Variants in DMBX1 observed in about 807,000 individuals in gnomAD.
DMBX1 encodes diencephalon/mesencephalon homeobox protein 1.
In DMBX1, 7 loss-of-function variants were observed where a neutral mutation model predicts 30.4. The ratio of observed to expected loss-of-function variants is 0.23; its 90% CI spans 0.13 to 0.43. DMBX1 has a LOEUF of 0.43. Ranked by LOEUF, DMBX1 falls within the 20% of genes least tolerant of loss-of-function variation. The probability of loss-of-function intolerance (pLI) is 1.00; values close to 1 mark genes in which losing one functional copy is unlikely to be tolerated. For missense variants in DMBX1, 460 were observed against 508.5 expected (o/e 0.90, Z 0.92); for synonymous variants, 222 against 214.2 (o/e 1.04, Z -0.32).
chr1:46,504,890 T>TTTTTTTTTATTTTTATTTTTA, intron 2 of DMBX1, among the ~76,000 whole-genome samples: 1 of 151,902 alleles, frequency 6.6e-6, no homozygotes, highest in Non-Finnish European at 1.5e-5. Context: ...TTTTATTTCC[T>TTTTTTTTTATTTTTATTTTTA]TGAGCAGTGG....
intron 5 of DMBX1, among the ~76,000 whole-genome samples, chr1:46,511,707 G>A (rs1369011029): frequency 2.6e-5 from 4 of 152,082 alleles, no homozygotes; most frequent in African/African-American, 9.7e-5. Flanking sequence ...GCCCAGCAGG[G>A]AGGGGACAGG....
Position 46,512,739 on chromosome 1 carries a change from A to C in DMBX1, c.*245A>C. The C allele has an allele frequency of 2.0e-6, 1 of 510,382 alleles. No homozygotes were observed. The highest frequency in any genetic ancestry group is 3.8e-5 in the South Asian group (1 of 26,124). 31.6% of individuals were successfully genotyped at this position (510,382 alleles called of 1,614,324 possible). ...AGGAGGTGAGAGGCTGGGGTGCCCC[A>C]AGCTTCCCTCGGAGAAGTGAGAGGC... On this transcript the variant is annotated 3_prime_UTR_variant, in exon 6 of 6. Coordinates refer to ENST00000360032, the MANE Select transcript of DMBX1 (RefSeq NM_172225.2). This position sits in a 1 kb window ranked among gnomAD's most constrained non-coding sequence, Gnocchi z 4.8.
At chr1:46,498,383 T>C (rs1310742825) in intron 2 of DMBX1, among the ~76,000 whole-genome samples, 1 of 152,272 alleles carries the variant, frequency 6.6e-6, no homozygotes, top group Non-Finnish European at 1.5e-5. Context: ...ACCAACTGTA[T>C]GCCAGGCTCT....
In DMBX1 at chr1:46,510,342, G is replaced by A; in HGVS notation, c.155-134G>A. 1.8e-6 allele frequency: 2 copies of A among 1,122,776 alleles called. No individual in the cohort carries two copies. Among genetic ancestry groups the A allele is most frequent in the Non-Finnish European group, 2.5e-6 (2 of 809,318 alleles). The allele number at this position is 1,122,776 out of a possible 1,614,324, so 69.6% of individuals were successfully genotyped here. ...TGGAGAGGGGATGGCTGATTTCTAA[G>A]GGTAAGGGACCAGGGCCAGCTCTGG... is the stretch of plus-strand genomic sequence containing the variant. On this transcript the variant is annotated intron_variant, in intron 3 of 5. Coordinates refer to ENST00000360032, the MANE Select transcript of DMBX1 (RefSeq NM_172225.2). This position sits in a 1 kb window ranked among gnomAD's most constrained non-coding sequence, Gnocchi z 4.1.
At position 46,491,185 on chromosome 1, in the gene DMBX1, C is replaced by T. The variant is rs1484518970; in HGVS notation, c.-13+402C>T. Among the ~76,000 whole-genome samples the T allele has an allele frequency of 6.6e-6, 1 of 152,224 alleles. No homozygotes were observed. The highest frequency in any genetic ancestry group is 2.4e-5 in the African/African-American group (1 of 41,452). ...CCAAATTCGCACCAAATCTGGGGCC[C>T]CGACTTTTCCTGGATTCCAGCCACA... On this transcript the variant is annotated intron_variant, in intron 2 of 5. Transcript: ENST00000360032. This position sits in a 1 kb window ranked among gnomAD's most constrained non-coding sequence, Gnocchi z 5.5.
In DMBX1 at chr1:46,501,192, C is replaced by CCCTTCCTT. The variant is rs1553186644; in HGVS notation, c.-12-5790_-12-5783dup. On this transcript the variant is annotated intron_variant, in intron 2 of 5. Transcript: ENST00000360032. ...TCTCTTTCTTTCTGTTTCTTTCTCTCCCTTCCTTCCTTCCTTCCTTCCTTT... is the reference window on the plus strand; with the variant it reads ...TCTCTTTCTTTCTGTTTCTTTCTCTCCCTTCCTTCCTTCCTTCCTTCCTTCCTTCCTTT... 5.4e-3 allele frequency among the ~76,000 whole-genome samples: 369 copies of CCCTTCCTT among 67,882 alleles called. 18 individuals carry two copies. Among genetic ancestry groups the CCCTTCCTT allele is most frequent in the African/African-American group, 0.024 (327 of 13,752 alleles). 44.5% of individuals were successfully genotyped at this position (67,882 alleles called of 152,430 possible).
At chr1:46,499,411 G>A (rs1666081847) in intron 2 of DMBX1, among the ~76,000 whole-genome samples, 1 of 152,206 alleles carries the variant, frequency 6.6e-6, no homozygotes, top group Admixed American at 6.5e-5. Flanking sequence ...AATGGAATAT[G>A]CTGGGGAAAG....
chr1:46,509,531 G>C (rs968624951), intron 3 of DMBX1, among the ~76,000 whole-genome samples: 4 of 152,182 alleles, frequency 2.6e-5, no homozygotes, highest in Admixed American at 6.5e-5. Context: ...AGCGGTTACT[G>C]TCTATCCTTC....
In DMBX1 at chr1:46,514,722, A is replaced by G. The variant is rs189790671; in HGVS notation, c.*2228A>G. On this transcript the variant is annotated 3_prime_UTR_variant, in exon 6 of 6. Transcript: ENST00000360032. ...AGTTGATCTATCTGAAAGCCAGGGTAAAGATTGCTAAGGCTTGTCTCCTCT... is the reference window on the plus strand; with the variant it reads ...AGTTGATCTATCTGAAAGCCAGGGTGAAGATTGCTAAGGCTTGTCTCCTCT... 1.3e-5 allele frequency among the ~76,000 whole-genome samples: 2 copies of G among 152,296 alleles called. No homozygotes were observed. Among genetic ancestry groups the G allele is most frequent in the East Asian group, 3.9e-4 (2 of 5,172 alleles).
intron 2 of DMBX1, among the ~76,000 whole-genome samples, chr1:46,492,741 G>T (rs1665952311): frequency 6.6e-6 from 1 of 152,058 alleles, no homozygotes. Context: ...CTGGGCTATG[G>T]GTATCACACT....
At chr1:46,506,975 C>T (rs1312562135) in intron 2 of DMBX1, 24 bp from the exon 3 acceptor site, 5 of 1,610,994 alleles carry the variant, frequency 3.1e-6, no homozygotes, top group Non-Finnish European at 4.2e-6. Context: ...TGCCTCATGG[C>T]CCCTCTCCCT....
At chr1:46,494,485 G>C (rs913214873) in intron 2 of DMBX1, among the ~76,000 whole-genome samples, 4 of 152,166 alleles carry the variant, frequency 2.6e-5, no homozygotes, top group South Asian at 2.1e-4. Context: ...CGGACCAAGG[G>C]ATAATTGGAT....
In DMBX1 at chr1:46,515,113, T is replaced by C. The variant is rs1666465954; in HGVS notation, c.*2619T>C. On this transcript the variant is annotated 3_prime_UTR_variant, in exon 6 of 6. Transcript: ENST00000360032. ...ATTTGGAAGGGGAATCCACCAGCCA[T>C]GGGGGCATCAGAGGAGAGACTTAGG... 6.6e-6 allele frequency among the ~76,000 whole-genome samples: 1 copy of C among 151,970 alleles called. No individual in the cohort carries two copies. Among genetic ancestry groups the C allele is most frequent in the African/African-American group, 2.4e-5 (1 of 41,382 alleles).
rs888869955 is a variant in DMBX1 at position 46,507,257 on chromosome 1, A to C, written c.154+93A>C. On this transcript the variant is annotated intron_variant, in intron 3 of 5. Transcript: ENST00000360032. Reference sequence around the variant, plus strand: ...CAAAGAGGAGAGGGAGCACTGGCCAAGCTTGTTCTAGGGGGCTCAAAAAGA... The same window carrying C: ...CAAAGAGGAGAGGGAGCACTGGCCACGCTTGTTCTAGGGGGCTCAAAAAGA... 1.2e-5 allele frequency: 18 copies of C among 1,502,466 alleles called. No homozygotes were observed. The East Asian group carries it at 4.2e-4, about 35-fold the overall frequency. The allele number at this position is 1,502,466 out of a possible 1,614,324, so 93.1% of individuals were successfully genotyped here. A position where few individuals can be genotyped will look rare whatever the true frequency, so the allele number is the denominator to read the frequency against.
At chr1:46,506,021 T>C (rs1027633064) in intron 2 of DMBX1, among the ~76,000 whole-genome samples, 14 of 151,976 alleles carry the variant, frequency 9.2e-5, no homozygotes, top group African/African-American at 3.1e-4. Flanking sequence ...AGTATTCTTA[T>C]GTTTGTGCAG....
chr1:46,505,663 G>T (rs1666219988), intron 2 of DMBX1, among the ~76,000 whole-genome samples: 2 of 151,690 alleles, frequency 1.3e-5, no homozygotes, highest in African/African-American at 4.9e-5. Context: ...TGACGAGTTA[G>T]TGGGTGTAGC....
At chr1:46,495,956 G>A (rs1666017441) in intron 2 of DMBX1, among the ~76,000 whole-genome samples, 1 of 151,996 alleles carries the variant, frequency 6.6e-6, no homozygotes, top group African/African-American at 2.4e-5. Flanking sequence ...AAGAAATATG[G>A]CTTTGAAGGT....
intron 2 of DMBX1, among the ~76,000 whole-genome samples, chr1:46,500,983 G>T (rs756291824): frequency 6.6e-6 from 1 of 152,110 alleles, no homozygotes; most frequent in East Asian, 1.9e-4. Context: ...GGTCAAAGAC[G>T]ATGTACTCTC....
In DMBX1 at chr1:46,510,031, A is replaced by C. The variant is rs995170043; in HGVS notation, c.155-445A>C. ...CAGCCCAGCCTGGCTTCTCATGGGC[A>C]GGGACCAGTACTCTGATGCTAAAGA... On this transcript the variant is annotated intron_variant, in intron 3 of 5. Coordinates refer to ENST00000360032, the MANE Select transcript of DMBX1 (RefSeq NM_172225.2). The surrounding 1 kb of genome is among the most constrained non-coding windows in gnomAD (Gnocchi z 4.1). Among the ~76,000 whole-genome samples the C allele has an allele frequency of 6.6e-6, 1 of 152,182 alleles. No individual in the cohort carries two copies. Among genetic ancestry groups the C allele is most frequent in the Non-Finnish European group, 1.5e-5 (1 of 68,032 alleles).
Sources: gnomAD v4.1 joint callset for allele counts (sites outside exome capture counted in the v4.1 genomes callset) on GRCh38, gnomAD v4.1.1 for gene constraint, Gnocchi (gnomAD v3.1) non-coding constraint, MANE v1.5 for transcripts, NCBI Gene and HGNC (gene_info 2026-07-23, HGNC 2026-07-21) for gene names.